The following XXYLT1 variants were observed in gnomAD, a reference collection of about 807,000 sequenced individuals.
The protein encoded by XXYLT1 is xyloside xylosyltransferase 1, also known as UDP-xylose:alpha-xyloside alpha-1,3-xylosyltransferase.
Under a neutral mutation model 28.9 loss-of-function variants are expected in XXYLT1, and 20 were observed. The ratio of observed to expected loss-of-function variants is 0.69; its 90% confidence interval spans 0.49 to 1.00. The LOEUF (loss-of-function observed/expected upper bound fraction) is 1.00. Among genes scored for constraint, XXYLT1 ranks in the 50% least tolerant of loss-of-function variants. XXYLT1 has a pLI of 0.00. For missense variants in XXYLT1, 542 were observed against 560.1 expected (o/e 0.97, Z 0.33); for synonymous variants, 257 against 253.8 (o/e 1.01, Z -0.12).
At chr3:195,131,570 TC>T (rs1718907933) in intron 3 of XXYLT1, among the ~76,000 whole-genome samples, 1 of 152,188 alleles carries the variant, frequency 6.6e-6, no homozygotes. Context: ...AGGACACTTT[TC>T]CCGCTCTCTT....
Position 195,209,171 on chromosome 3 carries a change from G to A in XXYLT1, c.652+17538C>T, listed in dbSNP as rs550300778. 6.6e-6 allele frequency among the ~76,000 whole-genome samples: 1 copy of A among 152,328 alleles called. No individual in the cohort carries two copies. Among genetic ancestry groups the A allele is most frequent in the South Asian group, 2.1e-4 (1 of 4,830 alleles). On this transcript the variant is annotated intron_variant, in intron 2 of 3. Coordinates refer to ENST00000310380, the MANE Select transcript of XXYLT1 (RefSeq NM_152531.5). This position sits in a 1 kb window ranked among gnomAD's most constrained non-coding sequence, Gnocchi z 5.0. ...GTTAGGACAGGAACCGGCTCACCCT[G>A]TTAAGAAGCCAGTCCTCACTAGGGC...
At chr3:195,098,177 G>A (rs895215322) in intron 3 of XXYLT1, among the ~76,000 whole-genome samples, 1 of 152,172 alleles carries the variant, frequency 6.6e-6, no homozygotes, top group Non-Finnish European at 1.5e-5. Flanking sequence ...TCTGTTTGGG[G>A]TGATGCACAT....
intron 1 of XXYLT1, among the ~76,000 whole-genome samples, chr3:195,234,951 T>C (rs1213727235): frequency 6.6e-6 from 1 of 152,020 alleles, no homozygotes; most frequent in African/African-American, 2.4e-5. Flanking sequence ...AACTTTCTAC[T>C]GCTGTCTCTC....
intron 2 of XXYLT1, among the ~76,000 whole-genome samples, chr3:195,165,024 A>G (rs1721048725): frequency 1.3e-5 from 2 of 152,130 alleles, no homozygotes; most frequent in Non-Finnish European, 2.9e-5. Context: ...CACAGGGGCC[A>G]GTCCTGGACT....
chr3:195,123,180 CAA>C (rs1248387250), intron 3 of XXYLT1, among the ~76,000 whole-genome samples: 1 of 142,978 alleles, frequency 7.0e-6, no homozygotes. Flanking sequence ...TCTAATTTAC[CAA>C]AAAAAAAAAC....
rs894540241 is a variant in XXYLT1 at position 195,069,836 on chromosome 3, C to T, written c.1061G>A (p.Arg354Gln). 1.1e-5 allele frequency: 18 copies of T among 1,614,070 alleles called. No individual in the cohort carries two copies. Among genetic ancestry groups the T allele is most frequent in the African/African-American group, 2.7e-5 (2 of 74,940 alleles). Reference sequence around the variant, plus strand: ...GTCCCTCCACCAGGTGCACAGCTGCCGGTTCCAGGTACAGTCCAGCACATG... The same window carrying T: ...GTCCCTCCACCAGGTGCACAGCTGCTGGTTCCAGGTACAGTCCAGCACATG... ...LFHVLDCTWN[R>Q]QLCTWWRDHG... Residue 354 changes from arginine (R) to glutamine (Q), a missense_variant, in exon 4 of 4, where the codon CGG (arginine) becomes CAG (glutamine). Transcript: ENST00000310380.
rs564371630 is a variant in XXYLT1 at position 195,224,504 on chromosome 3, G to A, written c.652+2205C>T. 1.2e-4 allele frequency among the ~76,000 whole-genome samples: 19 copies of A among 152,274 alleles called. No individual in the cohort carries two copies. The East Asian group carries it at 3.3e-3, about 26-fold the overall frequency. ...TAGGAGCTCCCTAACTCTTGTCATC[G>A]GTCCCTGCACAATTCATTGCCTGGC... On this transcript the variant is annotated intron_variant, in intron 2 of 3. Coordinates refer to ENST00000310380, the MANE Select transcript of XXYLT1 (RefSeq NM_152531.5).
chr3:195,111,239 A>G (rs139998476), intron 3 of XXYLT1, among the ~76,000 whole-genome samples: 450 of 152,194 alleles, frequency 3.0e-3, no homozygotes, highest in African/African-American at 0.01. Context: ...GTCTGTGCCC[A>G]AATTCCTCTT....
intron 3 of XXYLT1, among the ~76,000 whole-genome samples, chr3:195,131,050 C>G (rs1213269324): frequency 6.6e-6 from 1 of 151,296 alleles, no homozygotes; most frequent in Non-Finnish European, 1.5e-5. Flanking sequence ...TCAATGTATC[C>G]CTCGTGCCCT....
At chr3:195,100,558 C>A (rs9856812) in intron 3 of XXYLT1, among the ~76,000 whole-genome samples, 1,556 of 152,216 alleles carry the variant, frequency 0.01, 32 homozygotes, top group African/African-American at 0.036. Flanking sequence ...TGGCCTCTAC[C>A]CCTGCCAGCC....
intron 3 of XXYLT1, among the ~76,000 whole-genome samples, chr3:195,155,624 C>A (rs1272726148): frequency 1.3e-5 from 2 of 151,786 alleles, no homozygotes; most frequent in South Asian, 2.1e-4. Flanking sequence ...GGAACTGAGA[C>A]CTTGCAGCTC....
At chr3:195,075,855 G>A (rs1421367277) in intron 3 of XXYLT1, among the ~76,000 whole-genome samples, 1 of 152,242 alleles carries the variant, frequency 6.6e-6, no homozygotes. Context: ...GGCAAGCGAG[G>A]TCGAGGCGCG....
At chr3:195,089,674 CAA>C (rs1425386470) in intron 3 of XXYLT1, among the ~76,000 whole-genome samples, 1 of 151,664 alleles carries the variant, frequency 6.6e-6, no homozygotes, top group East Asian at 1.9e-4. Flanking sequence ...TCACACATAA[CAA>C]TATTAACTTT....
chr3:195,220,087 G>C (rs1199588841), intron 2 of XXYLT1, among the ~76,000 whole-genome samples: 1 of 152,096 alleles, frequency 6.6e-6, no homozygotes, highest in African/African-American at 2.4e-5. Context: ...GCTGGGAGCT[G>C]GGGGGAGGGG....
chr3:195,270,716 G>A lies in XXYLT1; in HGVS notation c.343C>T (p.Gln115Ter), dbSNP rs1421122625. ...FTKAEHNAAL[Q>*]AKARVALRSL... ...CGCAGCGCGACGCGGGCCTTGGCCT[G>A]CAGCGCGGCATTGTGCTCCGCCTTG... is the stretch of plus-strand genomic sequence containing the variant. Residue 115 changes from glutamine to a stop codon, truncating the protein, a stop_gained, in exon 1 of 4, where the codon CAG becomes TAG. Transcript: ENST00000310380. LOFTEE classifies it high-confidence loss of function. 10 of 1,590,430 alleles carry A rather than the reference G, an allele frequency of 6.3e-6. No homozygotes were observed. Among genetic ancestry groups the A allele is most frequent in the Non-Finnish European group, 8.5e-6 (10 of 1,172,656 alleles).
In XXYLT1 at chr3:195,112,782, C is replaced by A. The variant is rs573534209; in HGVS notation, c.786-42671G>T. Among the ~76,000 whole-genome samples, 5 of 150,552 alleles carry A rather than the reference C, an allele frequency of 3.3e-5. No individual in the cohort carries two copies. In the South Asian group the frequency reaches 1.1e-3, roughly 32 times the overall value. On this transcript the variant is annotated intron_variant, in intron 3 of 3. Coordinates refer to ENST00000310380, the MANE Select transcript of XXYLT1 (RefSeq NM_152531.5). ...GCGCATGCACACACACACACCCATG[C>A]ACACACGCAGCTCCCAGCCCCAGGT...
At chr3:195,084,162 C>T (rs967824734) in intron 3 of XXYLT1, among the ~76,000 whole-genome samples, 1 of 152,178 alleles carries the variant, frequency 6.6e-6, no homozygotes, top group Non-Finnish European at 1.5e-5. Flanking sequence ...GGATTCCTAG[C>T]GGGCTTTGGT....
At chr3:195,189,949 A>G (rs918827287) in intron 2 of XXYLT1, among the ~76,000 whole-genome samples, 1 of 152,214 alleles carries the variant, frequency 6.6e-6, no homozygotes. Context: ...AAAGTCTTGA[A>G]AGCAGCAAGA....
intron 3 of XXYLT1, among the ~76,000 whole-genome samples, chr3:195,074,158 G>A (rs1023959596): frequency 6.6e-6 from 1 of 152,176 alleles, no homozygotes; most frequent in Admixed American, 6.5e-5. Flanking sequence ...GGGAGGAAGC[G>A]AGGATGGGAA....
Sources: allele counts gnomAD v4.1 joint callset (sites outside exome capture counted in the v4.1 genomes callset), GRCh38; gene constraint gnomAD v4.1.1; non-coding constraint Gnocchi (gnomAD v3.1); transcripts MANE v1.5; gene names NCBI Gene and HGNC (gene_info 2026-07-23, HGNC 2026-07-21).